CNTNAP4: variants seen among roughly 807,000 people sequenced by gnomAD.
CNTNAP4 encodes the protein contactin associated protein family member 4.
In CNTNAP4, 98 loss-of-function variants were observed where a neutral mutation model predicts 148.4. That is an observed-to-expected ratio of 0.66 (90% confidence interval 0.56 to 0.78). The LOEUF (loss-of-function observed/expected upper bound fraction) is 0.78, where lower values mean the gene tolerates loss of function less well. CNTNAP4 is among the 30% of genes least tolerant of loss of function. CNTNAP4 has a pLI of 0.00. For missense variants in CNTNAP4, 1,935 were observed against 1,565.6 expected, an observed-to-expected ratio of 1.24 and a Z score of -3.98; for synonymous variants, 730 against 565.1, an observed-to-expected ratio of 1.29 and a Z score of -4.14.
chr16:76,452,858 A>AC, intron 8 of CNTNAP4, 89 bp downstream of exon 8: 1 of 1,175,168 alleles, frequency 8.5e-7, no homozygotes, highest in East Asian at 2.6e-5. Flanking sequence ...CCAAAAATGT[A>AC]ATATTTGCTT....
rs138041183 is a variant in CNTNAP4 at position 76,332,554 on chromosome 16, C to T, written c.196+16031C>T. On this transcript the variant is annotated intron_variant, in intron 2 of 23. Coordinates refer to ENST00000611870, the MANE Select transcript of CNTNAP4 (RefSeq NM_033401.5). ...GCCATTATTATTTTTTTTTATAATTCACTTTTTATACTATTTTTATTGATA... is the reference window on the plus strand; with the variant it reads ...GCCATTATTATTTTTTTTTATAATTTACTTTTTATACTATTTTTATTGATA... Among the ~76,000 whole-genome samples the T allele has an allele frequency of 1.4e-3, 211 of 151,858 alleles. 3 individuals are homozygous for T. Among genetic ancestry groups the T allele is most frequent in the African/African-American group, 5.0e-3 (208 of 41,426 alleles).
intron 2 of CNTNAP4, among the ~76,000 whole-genome samples, chr16:76,331,627 C>T (rs548233731): frequency 6.6e-6 from 1 of 151,826 alleles, no homozygotes; most frequent in Non-Finnish European, 1.5e-5. Context: ...TTTTGTATCG[C>T]TTTGTCTCTC....
chr16:76,381,406 T>A (rs1276758436), intron 3 of CNTNAP4, among the ~76,000 whole-genome samples: 1 of 152,050 alleles, frequency 6.6e-6, no homozygotes, highest in African/African-American at 2.4e-5. Context: ...CTAGGAGAAG[T>A]CACAATGATA....
chr16:76,324,373 TA>T (rs1186515206), intron 2 of CNTNAP4, among the ~76,000 whole-genome samples: 2 of 152,206 alleles, frequency 1.3e-5, no homozygotes, highest in Non-Finnish European at 2.9e-5. Context: ...GTGCAATGAA[TA>T]AACCATGAGT....
At chr16:76,312,221 T>G (rs149575859) in intron 1 of CNTNAP4, among the ~76,000 whole-genome samples, 109 of 152,308 alleles carry the variant, frequency 7.2e-4, no homozygotes, top group Middle Eastern at 3.4e-3. Flanking sequence ...ACAGCACCCC[T>G]GGATTCAACC....
chr16:76,420,914 G>A (rs1597481796), intron 3 of CNTNAP4, among the ~76,000 whole-genome samples: 1 of 151,758 alleles, frequency 6.6e-6, no homozygotes, highest in Non-Finnish European at 1.5e-5. Flanking sequence ...AATTTTTATA[G>A]TTATTGTCCA....
intron 15 of CNTNAP4, among the ~76,000 whole-genome samples, chr16:76,516,295 G>C (rs2083251782): frequency 1.3e-5 from 2 of 152,194 alleles, no homozygotes; most frequent in African/African-American, 4.8e-5. Context: ...AGGCTGCATA[G>C]TATTCTGTGG....
At chr16:76,414,185 T>C (rs1053105326) in intron 3 of CNTNAP4, among the ~76,000 whole-genome samples, 1 of 151,378 alleles carries the variant, frequency 6.6e-6, no homozygotes, top group Non-Finnish European at 1.5e-5. Context: ...TGCTGTATGA[T>C]TTTTACAGAT....
At chr16:76,296,268 G>A (rs902557008) in intron 1 of CNTNAP4, among the ~76,000 whole-genome samples, 7 of 152,138 alleles carry the variant, frequency 4.6e-5, no homozygotes, top group African/African-American at 1.2e-4. Context: ...TGATTCTTCC[G>A]CAACACAGAG....
At chr16:76,544,124 T>C (rs897654035) in intron 21 of CNTNAP4, among the ~76,000 whole-genome samples, 7 of 152,100 alleles carry the variant, frequency 4.6e-5, no homozygotes, top group Non-Finnish European at 7.4e-5. Context: ...AGTCCCAAAT[T>C]ACCCTCCAAA....
At chr16:76,305,333 T>C (rs928431466) in intron 1 of CNTNAP4, among the ~76,000 whole-genome samples, 3 of 152,222 alleles carry the variant, frequency 2.0e-5, no homozygotes, top group Admixed American at 1.3e-4. Flanking sequence ...GTCTTTTTTG[T>C]TTTGAAGAAC....
At chr16:76,498,425 A>T (rs113649505) in intron 14 of CNTNAP4, 142 bp from the exon 15 acceptor site, 2 of 513,864 alleles carry the variant, frequency 3.9e-6, no homozygotes, top group African/African-American at 2.0e-5. Flanking sequence ...ATCAAATGTC[A>T]TTCTGTTTTT....
intron 15 of CNTNAP4, among the ~76,000 whole-genome samples, chr16:76,502,333 G>T (rs1217368533): frequency 6.6e-6 from 1 of 151,502 alleles, no homozygotes; most frequent in Non-Finnish European, 1.5e-5. Flanking sequence ...TTTCCATATG[G>T]GAAATCTGTA....
chr16:76,523,457 T>G (rs1021357216), intron 17 of CNTNAP4, among the ~76,000 whole-genome samples: 4 of 152,240 alleles, frequency 2.6e-5, no homozygotes, highest in African/African-American at 9.6e-5. Context: ...AATCCATTCA[T>G]GTGGCATTTA....
chr16:76,367,863 C>T (rs1328080781), intron 3 of CNTNAP4, among the ~76,000 whole-genome samples: 1 of 152,164 alleles, frequency 6.6e-6, no homozygotes, highest in East Asian at 1.9e-4. Context: ...CTCAGGGATA[C>T]TTGCCAACTG....
At chr16:76,370,057 T>C (rs1243713893) in intron 3 of CNTNAP4, among the ~76,000 whole-genome samples, 1 of 152,166 alleles carries the variant, frequency 6.6e-6, no homozygotes, top group Admixed American at 6.5e-5. Flanking sequence ...GGTACACCTT[T>C]ACCTAGTCAT....
At chr16:76,327,494 G>T (rs1045764354) in intron 2 of CNTNAP4, among the ~76,000 whole-genome samples, 4 of 152,120 alleles carry the variant, frequency 2.6e-5, no homozygotes, top group Non-Finnish European at 4.4e-5. Flanking sequence ...TTGCTGTTGT[G>T]ACCAGCTCTG....
chr16:76,365,022 T>G (rs2013938675), intron 3 of CNTNAP4, among the ~76,000 whole-genome samples: 1 of 152,188 alleles, frequency 6.6e-6, no homozygotes, highest in South Asian at 2.1e-4. Flanking sequence ...TACGTTTAAG[T>G]CTTTAATCCA....
rs371694462 is a variant in CNTNAP4, at chr16:76,449,736, G to A, written c.949G>A (p.Ala317Thr). The change falls in exon 7 of 24, where the codon GCA becomes ACA. Residue 317 changes from alanine to threonine, a missense_variant. Ala to Thr is a moderately conservative substitution (Grantham distance 58, BLOSUM62 0). Coordinates refer to ENST00000611870, the MANE Select transcript of CNTNAP4 (RefSeq NM_033401.5). Reference sequence around the variant, plus strand: ...TAAGATCAGCTTTGGAGGGATTCCAGCACCTGGAAAATCAGTGTCATTCCC... The same window carrying A: ...TAAGATCAGCTTTGGAGGGATTCCAACACCTGGAAAATCAGTGTCATTCCC... ...DYEISFGGIP[A>T]PGKSVSFPHR... 1.3e-6 allele frequency: 2 copies of A among 1,592,380 alleles called. No individual in the cohort carries two copies. The highest frequency in any genetic ancestry group is 1.7e-6 in the Non-Finnish European group (2 of 1,168,464).
Sources: gnomAD v4.1 joint callset for allele counts (sites outside exome capture counted in the v4.1 genomes callset) on GRCh38, gnomAD v4.1.1 for gene constraint, MANE v1.5 for transcripts, NCBI Gene and HGNC (gene_info 2026-07-23, HGNC 2026-07-21) for gene names.